Variants in SERPINA9 observed in about 807,000 individuals in gnomAD.
SERPINA9 encodes the protein serpin family A member 9.
A neutral mutation model predicts 24.5 loss-of-function variants in SERPINA9; 32 were observed. That is an observed-to-expected ratio of 1.30 (90% CI 0.98 to 1.75). The LOEUF (loss-of-function observed/expected upper bound fraction) is 1.75. Ranked by LOEUF, SERPINA9 falls within the 40% of genes most tolerant of loss-of-function variation. The pLI is 0.00. For missense variants in SERPINA9, 594 were observed against 497.1 expected, an observed-to-expected ratio of 1.19 and a Z score of -1.85; for synonymous variants, 233 against 197.7, an observed-to-expected ratio of 1.18 and a Z score of -1.50.
At chr14:94,475,261 C>T (rs537843569) in intron 1 of SERPINA9, among the ~76,000 whole-genome samples, 1 of 152,276 alleles carries the variant, frequency 6.6e-6, no homozygotes, top group Admixed American at 6.5e-5. Context: ...TTCCCAACCA[C>T]CAGCCTTTAT....
Position 94,464,988 on chromosome 14 carries a change from C to T in SERPINA9, c.903-134G>A, listed in dbSNP as rs1035378750. Reference sequence around the variant, plus strand: ...TTTCTGCTAAAAAGGTCAACACATCCTAGCCAAGAAACCCAGGTTGCTCTT... The same window carrying T: ...TTTCTGCTAAAAAGGTCAACACATCTTAGCCAAGAAACCCAGGTTGCTCTT... On this transcript the variant is annotated intron_variant, in intron 3 of 4. Transcript: ENST00000674397. 71 of 739,582 alleles carry T rather than the reference C, an allele frequency of 9.6e-5. 1 individual carries two copies. In the African/African-American group the frequency reaches 1.2e-3, roughly 12 times the overall value. 45.8% of individuals were successfully genotyped at this position (739,582 alleles called of 1,614,324 possible). A position where few individuals can be genotyped will look rare whatever the true frequency, so the allele number is the denominator to read the frequency against.
intron 2 of SERPINA9, among the ~76,000 whole-genome samples, chr14:94,468,450 C>T (rs979171889): frequency 1.3e-5 from 2 of 152,142 alleles, no homozygotes; most frequent in African/African-American, 4.8e-5. Context: ...AAAACTCTGC[C>T]TGGAGATGCC....
At chr14:94,463,631 G>A (rs1485122948) in intron 4 of SERPINA9, among the ~76,000 whole-genome samples, 1 of 152,186 alleles carries the variant, frequency 6.6e-6, no homozygotes, top group East Asian at 1.9e-4. Flanking sequence ...TGCCCCGTAA[G>A]GTTATTGTGT....
intron 1 of SERPINA9, among the ~76,000 whole-genome samples, chr14:94,470,447 G>A (rs1899257205): frequency 6.6e-6 from 1 of 152,216 alleles, no homozygotes; most frequent in Non-Finnish European, 1.5e-5. Context: ...AGTTGCTGAT[G>A]AGCTGCAGTT....
At chr14:94,475,298 C>T (rs1899535614) in intron 1 of SERPINA9, among the ~76,000 whole-genome samples, 1 of 152,110 alleles carries the variant, frequency 6.6e-6, no homozygotes, top group Admixed American at 6.5e-5. Flanking sequence ...AACTCATCAG[C>T]TCACTCTCCC....
chr14:94,468,830 C>G (rs1258432916), intron 2 of SERPINA9, among the ~76,000 whole-genome samples: 1 of 152,216 alleles, frequency 6.6e-6, no homozygotes, highest in Non-Finnish European at 1.5e-5. Flanking sequence ...GGATTTGCTT[C>G]TTAAACTGGG....
At chr14:94,469,123 G>C in intron 2 of SERPINA9, 90 bp downstream of exon 2, 2 of 1,197,466 alleles carry the variant, frequency 1.7e-6, no homozygotes, top group Non-Finnish European at 1.2e-6. Context: ...CTGCAGTCTA[G>C]GGTTTGTCTG....
At position 94,463,217 on chromosome 14, in the gene SERPINA9, C is replaced by G; in HGVS notation, c.1130G>C (p.Arg377Pro). Reference sequence around the variant, plus strand: ...GAAGTAAGAGGGGCCATCCTTCGATCGGACTATGAACTTGGTGGTGGTAGC... The same window carrying G: ...GAAGTAAGAGGGGCCATCCTTCGATGGGACTATGAACTTGGTGGTGGTAGC... ...TAATTTKFIV[R>P]SKDGPSYFTV... Residue 377 changes from arginine to proline, a missense_variant, in exon 5 of 5, where the codon CGA becomes CCA. Transcript: ENST00000674397. 6.2e-7 allele frequency: 1 copy of G among 1,614,176 alleles called. No homozygotes were observed. Among genetic ancestry groups the G allele is most frequent in the Non-Finnish European group, 8.5e-7 (1 of 1,180,006 alleles).
chr14:94,474,637 C>G (rs554554685), intron 1 of SERPINA9, among the ~76,000 whole-genome samples: 1 of 152,332 alleles, frequency 6.6e-6, no homozygotes, highest in African/African-American at 2.4e-5. Flanking sequence ...CACCCCTTCT[C>G]TCTCCCAGCC....
At chr14:94,470,566 G>A (rs1436888524) in intron 1 of SERPINA9, among the ~76,000 whole-genome samples, 3 of 152,170 alleles carry the variant, frequency 2.0e-5, no homozygotes, top group Admixed American at 2.0e-4. Context: ...CAACAGGGCT[G>A]GGCTTGAATC....
chr14:94,470,189 A>AT (rs1452295705), intron 1 of SERPINA9: 1 of 1,050,070 alleles, frequency 9.5e-7, no homozygotes, highest in Non-Finnish European at 1.1e-6. Flanking sequence ...TCATGGACTT[A>AT]TTTTTTAAGA....
At chr14:94,472,062 A>G (rs926591761) in intron 1 of SERPINA9, among the ~76,000 whole-genome samples, 5 of 152,148 alleles carry the variant, frequency 3.3e-5, no homozygotes, top group Admixed American at 6.5e-5. Flanking sequence ...TGGGGCTACA[A>G]TGGGGGACAG....
chr14:94,467,527 GT>G (rs1899067681), intron 2 of SERPINA9, 145 bp from the exon 3 acceptor site: 2 of 674,078 alleles, frequency 3.0e-6, no homozygotes, highest in Middle Eastern at 6.5e-4. Flanking sequence ...ACACAGCGGA[GT>G]AGTTGCCCAA....
At chr14:94,468,629 T>C (rs761796482) in intron 2 of SERPINA9, among the ~76,000 whole-genome samples, 6 of 152,210 alleles carry the variant, frequency 3.9e-5, no homozygotes, top group Non-Finnish European at 5.9e-5. Context: ...CAAATTCAAG[T>C]TGTTTGACTT....
intron 1 of SERPINA9, among the ~76,000 whole-genome samples, chr14:94,474,602 C>T (rs137947829): frequency 1.3e-5 from 2 of 152,348 alleles, no homozygotes; most frequent in South Asian, 2.1e-4. Flanking sequence ...CTTCTCCCCA[C>T]CCTGAACTCC....
In SERPINA9 at chr14:94,475,956, G is replaced by A. The variant is rs959786377; in HGVS notation, c.-18+180C>T. On this transcript the variant is annotated intron_variant, in intron 1 of 4. Coordinates refer to ENST00000674397, the MANE Select transcript of SERPINA9 (RefSeq NM_175739.4). ...TCACTCACTGGTCCACTCCAGCCTG[G>A]CTTCTGTATCCACAAAAATGTGACC... 7 of 802,934 alleles carry A rather than the reference G, an allele frequency of 8.7e-6. No individual in the cohort carries two copies. The Admixed American group carries it at 1.2e-4, about 14-fold the overall frequency. 49.7% of individuals were successfully genotyped at this position (802,934 alleles called of 1,614,324 possible). A position where few individuals can be genotyped will look rare whatever the true frequency, so the allele number is the denominator to read the frequency against.
At chr14:94,474,203 T>C (rs966841306) in intron 1 of SERPINA9, among the ~76,000 whole-genome samples, 1 of 152,140 alleles carries the variant, frequency 6.6e-6, no homozygotes, top group Non-Finnish European at 1.5e-5. Context: ...AGGCTGGCAG[T>C]GGGGCAGGTG....
chr14:94,463,466 ATGGCCCAT>A (rs998828701), intron 4 of SERPINA9, among the ~76,000 whole-genome samples, 170 bp from the exon 5 acceptor site: 1 of 152,214 alleles, frequency 6.6e-6, no homozygotes, highest in African/African-American at 2.4e-5. Flanking sequence ...GGTGTTGACT[ATGGCCCAT>A]TGGTCCTTAC....
At chr14:94,474,850 C>G (rs1283159820) in intron 1 of SERPINA9, among the ~76,000 whole-genome samples, 1 of 152,146 alleles carries the variant, frequency 6.6e-6, no homozygotes, top group African/African-American at 2.4e-5. Flanking sequence ...GCTCCTCCAC[C>G]CTGCAGACAG....
Sources: allele counts gnomAD v4.1 joint callset (sites outside exome capture counted in the v4.1 genomes callset), GRCh38; gene constraint gnomAD v4.1.1; transcripts MANE v1.5; gene names NCBI Gene and HGNC (gene_info 2026-07-23, HGNC 2026-07-21).